The following NFIB variants were observed in gnomAD, a reference collection of about 807,000 sequenced individuals.
NFIB encodes nuclear factor I B.
In NFIB, 11 loss-of-function variants were observed where a neutral mutation model predicts 61.5. The ratio of observed to expected loss-of-function variants is 0.18; its 90% CI spans 0.11 to 0.30. The LOEUF (loss-of-function observed/expected upper bound fraction) is 0.30, where lower values mean the gene tolerates loss of function less well. NFIB is among the 10% of genes least tolerant of loss of function. The pLI is 1.00. For missense variants in NFIB, 471 were observed against 608.9 expected, an observed-to-expected ratio of 0.77 and a Z score of 2.38; for synonymous variants, 260 against 216.5, an observed-to-expected ratio of 1.20 and a Z score of -1.76.
intron 2 of NFIB, among the ~76,000 whole-genome samples, chr9:14,201,468 C>T (rs1205330613): frequency 6.6e-6 from 1 of 152,150 alleles, no homozygotes; most frequent in Non-Finnish European, 1.5e-5. Context: ...TGGAATATCC[C>T]TTATTTGATG....
chr9:14,102,153 C>T (rs1031593422), intron 10 of NFIB, among the ~76,000 whole-genome samples: 1 of 152,038 alleles, frequency 6.6e-6, no homozygotes, highest in Admixed American at 6.6e-5. Context: ...CATTCCACCC[C>T]CTCCCCCACC....
the NFIB span, among the ~76,000 whole-genome samples, chr9:14,472,804 G>A: frequency 6.6e-6 from 1 of 151,836 alleles, no homozygotes; most frequent in African/African-American, 2.4e-5. Context: ...TCGAGCCAAC[G>A]CACTGCAGCC....
At chr9:14,221,784 C>A (rs2051707177) in intron 2 of NFIB, among the ~76,000 whole-genome samples, 1 of 152,248 alleles carries the variant, frequency 6.6e-6, no homozygotes, top group Non-Finnish European at 1.5e-5. Flanking sequence ...TTCTTATGCC[C>A]TGTATGCCAG....
the NFIB span, among the ~76,000 whole-genome samples, chr9:14,438,031 C>CGCGT: frequency 7.9e-6 from 1 of 126,602 alleles, no homozygotes; most frequent in Non-Finnish European, 1.7e-5. Flanking sequence ...TGTGTGTGTG[C>CGCGT]GCGTATGTGC....
At chr9:14,374,746 C>T (rs545549933) in intron 1 of NFIB, among the ~76,000 whole-genome samples, 9 of 152,012 alleles carry the variant, frequency 5.9e-5, no homozygotes, top group Admixed American at 2.6e-4. Flanking sequence ...CCTGTCTCTA[C>T]TAAAAATACA....
intron 2 of NFIB, among the ~76,000 whole-genome samples, chr9:14,274,789 T>C (rs563624273): frequency 6.6e-6 from 1 of 152,320 alleles, no homozygotes; most frequent in South Asian, 2.1e-4. Context: ...AATTGGGGCC[T>C]ACTGTGCTCT....
At chr9:14,329,855 G>A (rs1205798341) in intron 1 of NFIB, among the ~76,000 whole-genome samples, 2 of 151,674 alleles carry the variant, frequency 1.3e-5, no homozygotes, top group African/African-American at 4.8e-5. Flanking sequence ...CGGGCACAGT[G>A]GCTCACGCCT....
At chr9:14,189,430 T>C (rs1465876231) in intron 2 of NFIB, among the ~76,000 whole-genome samples, 1 of 152,056 alleles carries the variant, frequency 6.6e-6, no homozygotes, top group Non-Finnish European at 1.5e-5. Context: ...AACTAGTTAA[T>C]GAAAGGTAAG....
chr9:14,318,115 T>C (rs747055359), upstream of NFIB, among the ~76,000 whole-genome samples: 15 of 152,054 alleles, frequency 9.9e-5, no homozygotes, highest in Non-Finnish European at 2.1e-4. Flanking sequence ...CAGAAAGAAG[T>C]GAATGATTCT....
At chr9:14,377,518 G>A (rs1311987510) in intron 1 of NFIB, among the ~76,000 whole-genome samples, 2 of 152,146 alleles carry the variant, frequency 1.3e-5, no homozygotes, top group African/African-American at 4.8e-5. Flanking sequence ...TGCCTGGCCT[G>A]GAGAATGCTT....
rs913633750 is a variant in NFIB, at chr9:14,087,859, C to G, written c.*450G>C. ...CAACAAGAATACTAAACCAATAAAA[C>G]TAGCTTATCATGCAAATATTAAGGC... On this transcript the variant is annotated 3_prime_UTR_variant, in exon 11 of 11. Transcript: ENST00000380953. The G allele has an allele frequency of 4.4e-6, 1 of 227,104 alleles. No homozygotes were observed. The highest frequency in any genetic ancestry group is 2.2e-5 in the African/African-American group (1 of 44,930). 14.1% of individuals were successfully genotyped at this position (227,104 alleles called of 1,614,324 possible).
At chr9:14,179,359 C>G (rs1037525302) in intron 3 of NFIB, among the ~76,000 whole-genome samples, 2 of 151,676 alleles carry the variant, frequency 1.3e-5, no homozygotes, top group African/African-American at 4.8e-5. Flanking sequence ...AGTTGATAAA[C>G]TATAATTGCA....
intron 1 of NFIB, among the ~76,000 whole-genome samples, chr9:14,343,545 C>G (rs2060978668): frequency 6.6e-6 from 1 of 152,172 alleles, no homozygotes; most frequent in African/African-American, 2.4e-5. Context: ...TGGTTCCATG[C>G]TACAGCCTCT....
chr9:14,086,248 A>AAT lies in NFIB; in HGVS notation c.*2059_*2060dup, dbSNP rs982064840. ...TTAAAAATCCTCCCACCCACCCCAG[A>AAT]ATATATATATATGTATATTAAAAAA... On this transcript the variant is annotated 3_prime_UTR_variant, in exon 11 of 11. Transcript: ENST00000380953. 6 of 220,508 alleles carry AAT rather than the reference A, an allele frequency of 2.7e-5. No homozygotes were observed. Among genetic ancestry groups the AAT allele is most frequent in the Non-Finnish European group, 3.6e-5 (4 of 110,000 alleles). The allele number at this position is 220,508 out of a possible 1,614,324, so 13.7% of individuals were successfully genotyped here. A position where few individuals can be genotyped will look rare whatever the true frequency, so the allele number is the denominator to read the frequency against.
the NFIB span, among the ~76,000 whole-genome samples, chr9:14,408,887 C>A: frequency 1.3e-5 from 2 of 151,972 alleles, no homozygotes; most frequent in African/African-American, 4.8e-5. Flanking sequence ...GCTATATTAT[C>A]CCTATTTTGC....
chr9:14,479,115 T>A, the NFIB span, among the ~76,000 whole-genome samples: 3 of 152,028 alleles, frequency 2.0e-5, no homozygotes, highest in South Asian at 6.2e-4. Flanking sequence ...GAAATAAAAC[T>A]AAATAGAGAT....
At position 14,123,870 on chromosome 9, in the gene NFIB, T is replaced by A. The variant is rs148779654; in HGVS notation, c.1060+1762A>T. Among the ~76,000 whole-genome samples, 200 of 151,718 alleles carry A rather than the reference T, an allele frequency of 1.3e-3. 1 individual carries two copies. The highest frequency in any genetic ancestry group is 4.4e-3 in the African/African-American group (181 of 41,368). ...CATTGCCCCTCTTCCTCCTAGTATG[T>A]CCCTCTGCCTCCCAGGTTGCCCCTC... On this transcript the variant is annotated intron_variant, in intron 7 of 10. Coordinates refer to ENST00000380953, the MANE Select transcript of NFIB (RefSeq NM_001190737.2).
At chr9:14,359,588 C>A (rs983136410) in intron 1 of NFIB, among the ~76,000 whole-genome samples, 2 of 152,170 alleles carry the variant, frequency 1.3e-5, no homozygotes, top group African/African-American at 2.4e-5. Context: ...TAATCAATTT[C>A]TTTTGTTTTA....
chr9:14,448,298 T>A, the NFIB span, among the ~76,000 whole-genome samples: 2 of 152,188 alleles, frequency 1.3e-5, no homozygotes, highest in African/African-American at 4.8e-5. Context: ...CCTGGAAGAT[T>A]TTTCATTCTT....
Sources: allele counts gnomAD v4.1 joint callset (sites outside exome capture counted in the v4.1 genomes callset), GRCh38; gene constraint gnomAD v4.1.1; transcripts MANE v1.5; gene names NCBI Gene and HGNC (gene_info 2026-07-23, HGNC 2026-07-21).